Variants in ANKRD29 observed in about 807,000 individuals in gnomAD.
ANKRD29 encodes ankyrin repeat domain 29.
A neutral mutation model predicts 38.0 loss-of-function variants in ANKRD29; 32 were observed. The ratio of observed to expected loss-of-function variants is 0.84; its 90% CI spans 0.64 to 1.13. The LOEUF (loss-of-function observed/expected upper bound fraction) is 1.13. Ranked by LOEUF, ANKRD29 falls within the 50% of genes most tolerant of loss-of-function variation. ANKRD29 has a pLI of 0.00. For synonymous variants in ANKRD29, 135 were observed against 152.4 expected (o/e 0.89, Z 0.84); for missense variants, 357 against 377.9 (o/e 0.94, Z 0.46).
At chr18:23,661,398 T>C (rs2060358749) in intron 1 of ANKRD29, among the ~76,000 whole-genome samples, 1 of 152,218 alleles carries the variant, frequency 6.6e-6, no homozygotes, top group African/African-American at 2.4e-5. Context: ...CCTACTGAAT[T>C]ATGCCGATTT....
intron 1 of ANKRD29, among the ~76,000 whole-genome samples, chr18:23,656,744 T>G (rs1598548550): frequency 6.6e-6 from 1 of 152,290 alleles, no homozygotes; most frequent in Middle Eastern, 3.4e-3. Flanking sequence ...AAGGTCTCTT[T>G]TATTATTGTG....
chr18:23,613,855 T>C (rs1338090497), intron 8 of ANKRD29, among the ~76,000 whole-genome samples: 4 of 151,794 alleles, frequency 2.6e-5, no homozygotes, highest in South Asian at 4.2e-4. Flanking sequence ...GCCTTGGCCT[T>C]CCAAAGTGCT....
intron 8 of ANKRD29, among the ~76,000 whole-genome samples, chr18:23,614,142 C>T (rs537877397): frequency 3.1e-4 from 47 of 152,088 alleles, no homozygotes; most frequent in African/African-American, 1.1e-3. Context: ...GTGATCTCGG[C>T]TCATTGCAAC....
At chr18:23,660,763 C>T (rs536665308) in intron 1 of ANKRD29, among the ~76,000 whole-genome samples, 5 of 152,334 alleles carry the variant, frequency 3.3e-5, no homozygotes, top group South Asian at 2.1e-4. Flanking sequence ...GCCAAGATTG[C>T]GCCACTGCAC....
intron 4 of ANKRD29, among the ~76,000 whole-genome samples, chr18:23,635,012 G>A (rs2093735587): frequency 6.6e-6 from 1 of 152,194 alleles, no homozygotes; most frequent in Non-Finnish European, 1.5e-5. Flanking sequence ...CATTCTGTGT[G>A]TCTCTCACTA....
At chr18:23,632,608 C>T (rs1023535647) in intron 5 of ANKRD29, among the ~76,000 whole-genome samples, 13 of 150,534 alleles carry the variant, frequency 8.6e-5, no homozygotes, top group Admixed American at 2.0e-4. Flanking sequence ...ACCTTTAGAC[C>T]TGTGCTTCTT....
intron 1 of ANKRD29, 108 bp downstream of exon 1, chr18:23,662,602 C>T: frequency 1.3e-6 from 1 of 770,770 alleles, no homozygotes. Flanking sequence ...AGGCGGCGGG[C>T]AGCGGGCAGC....
intron 5 of ANKRD29, among the ~76,000 whole-genome samples, chr18:23,630,413 A>G (rs12457684): frequency 0.59 from 90,178 of 151,896 alleles, 27,672 homozygotes; most frequent in Admixed American, 0.7. Flanking sequence ...GCAAAAGAGC[A>G]AAACTCCTCC....
chr18:23,655,561 T>C (rs889125670), intron 1 of ANKRD29, among the ~76,000 whole-genome samples: 2 of 151,852 alleles, frequency 1.3e-5, no homozygotes, highest in African/African-American at 2.4e-5. Context: ...TCTCCTGCCT[T>C]AGCCTCCTGA....
chr18:23,600,994 T>A lies in ANKRD29; in HGVS notation c.*232A>T, dbSNP rs925472445. On this transcript the variant is annotated 3_prime_UTR_variant, in exon 10 of 10. Transcript: ENST00000592179. ...TGAACATGCCAGGCCCCCCGGGAGA[T>A]GAGTTACAGGACACCATGAGAAGTC... The A allele has an allele frequency of 5.2e-6, 2 of 382,966 alleles. No individual in the cohort carries two copies. Among genetic ancestry groups the A allele is most frequent in the South Asian group, 5.0e-5 (1 of 20,118 alleles). 23.7% of individuals were successfully genotyped at this position (382,966 alleles called of 1,614,324 possible). A position where few individuals can be genotyped will look rare whatever the true frequency, so the allele number is the denominator to read the frequency against.
At chr18:23,629,789 G>T in intron 6 of ANKRD29, 64 bp downstream of exon 6, 1 of 1,343,292 alleles carries the variant, frequency 7.4e-7, no homozygotes, top group South Asian at 1.2e-5. Context: ...TGCTGCCAGC[G>T]GACACCCAGC....
chr18:23,613,476 G>T (rs1227621106), intron 8 of ANKRD29, among the ~76,000 whole-genome samples: 2 of 151,762 alleles, frequency 1.3e-5, no homozygotes, highest in African/African-American at 4.8e-5. Context: ...CTGACCAGGA[G>T]TTTTTAAAAA....
At chr18:23,639,577 G>C (rs1056226793) in intron 3 of ANKRD29, among the ~76,000 whole-genome samples, 1 of 149,334 alleles carries the variant, frequency 6.7e-6, no homozygotes, top group African/African-American at 2.5e-5. Context: ...TGTCACCGAG[G>C]CTGGATGGAG....
intron 1 of ANKRD29, among the ~76,000 whole-genome samples, chr18:23,659,211 ACTTCAGGTGAT>A (rs1188588828): frequency 1.3e-5 from 2 of 152,116 alleles, no homozygotes; most frequent in East Asian, 3.9e-4. Flanking sequence ...TAAACTCCCG[ACTTCAGGTGAT>A]CCGCCACAGC....
intron 1 of ANKRD29, 88 bp downstream of exon 1, chr18:23,662,622 A>AAGCC: frequency 1.5e-5 from 1 of 65,714 alleles, no homozygotes; most frequent in Non-Finnish European, 2.8e-5. Flanking sequence ...CGCCCACCCC[A>AAGCC]TCCCACCCCA....
At position 23,624,696 on chromosome 18, in the gene ANKRD29, G is replaced by A. The variant is rs1711462; in HGVS notation, c.529-5067C>T. On this transcript the variant is annotated intron_variant, in intron 6 of 9. Coordinates refer to ENST00000592179, the MANE Select transcript of ANKRD29 (RefSeq NM_173505.4). The stretch of plus-strand genomic sequence containing the variant: ...TAAAAGTTTAATGAGTGTTGGCTAA[G>A]ACCAAAGAAACTGATCAGAGAGGAG... Among the ~76,000 whole-genome samples the A allele has an allele frequency of 1.1e-4, 16 of 152,200 alleles. No homozygotes were observed. In the South Asian group the frequency reaches 2.9e-3, roughly 28 times the overall value.
intron 6 of ANKRD29, 121 bp from the exon 7 acceptor site, chr18:23,619,750 G>T: frequency 1.3e-6 from 1 of 760,302 alleles, no homozygotes. Flanking sequence ...CCTGACCGCA[G>T]ATCACACTCT....
At chr18:23,629,531 C>G (rs1339191828) in intron 6 of ANKRD29, among the ~76,000 whole-genome samples, 2 of 152,236 alleles carry the variant, frequency 1.3e-5, no homozygotes, top group African/African-American at 4.8e-5. Flanking sequence ...CCAGCCTGCA[C>G]TCATTAGATC....
chr18:23,654,258 C>G (rs577658288), intron 1 of ANKRD29, among the ~76,000 whole-genome samples: 3 of 149,946 alleles, frequency 2.0e-5, no homozygotes, highest in South Asian at 2.1e-4. Context: ...GAGCGAGACT[C>G]TGTTTCCCCA....
Sources: allele counts gnomAD v4.1 joint callset (sites outside exome capture counted in the v4.1 genomes callset), GRCh38; gene constraint gnomAD v4.1.1; transcripts MANE v1.5; gene names NCBI Gene and HGNC (gene_info 2026-07-23, HGNC 2026-07-21).